The following ASS1 variants were observed in gnomAD, a reference collection of about 807,000 sequenced individuals.
ASS1 encodes argininosuccinate synthase 1, also known as argininosuccinate synthase.
In ASS1, 58 loss-of-function variants were observed where a neutral mutation model predicts 60.5. The observed-to-expected ratio is 0.96, with a 90% CI of 0.78 to 1.19. The LOEUF is 1.19. Ranked by LOEUF, ASS1 falls within the 50% of genes most tolerant of loss-of-function variation. The pLI is 0.00. For synonymous variants in ASS1, 200 were observed against 206.9 expected, an observed-to-expected ratio of 0.97 and a Z score of 0.29; for missense variants, 454 against 547.3, an observed-to-expected ratio of 0.83 and a Z score of 1.70.
chr9:130,456,472 C>A (rs1257824411), intron 3 of ASS1, among the ~76,000 whole-genome samples: 2 of 152,016 alleles, frequency 1.3e-5, no homozygotes, highest in East Asian at 1.9e-4. Context: ...GTAAAAAAAA[C>A]CAACCAACCA....
At chr9:130,451,824 T>C (rs1267590637) in intron 1 of ASS1, 1 of 463,972 alleles carries the variant, frequency 2.2e-6, no homozygotes, top group East Asian at 6.7e-5. Context: ...ATGGGGGATG[T>C]GTCAGCTGCC....
At chr9:130,481,735 G>C (rs546411500) in intron 11 of ASS1, among the ~76,000 whole-genome samples, 2 of 152,214 alleles carry the variant, frequency 1.3e-5, no homozygotes, top group African/African-American at 4.8e-5. Context: ...AGCATGGACC[G>C]GGGCGGGGAC....
At chr9:130,496,620 A>T (rs1846609321) in intron 13 of ASS1, among the ~76,000 whole-genome samples, 1 of 150,334 alleles carries the variant, frequency 6.7e-6, no homozygotes, top group Non-Finnish European at 1.5e-5. Context: ...AAAAAAAAGG[A>T]AACACAACTG....
rs192339952 is a variant in ASS1 at position 130,463,050 on chromosome 9, A to T, written c.364-1061A>T. Among the ~76,000 whole-genome samples, 4 of 152,378 alleles carry T rather than the reference A, an allele frequency of 2.6e-5. No individual in the cohort carries two copies. The East Asian group carries it at 7.7e-4, about 29-fold the overall frequency. On this transcript the variant is annotated intron_variant, in intron 4 of 14. Coordinates refer to ENST00000352480, the MANE Select transcript of ASS1 (RefSeq NM_054012.4). Reference sequence around the variant, plus strand: ...ATGGAGGGTGAGTGAGGCCAGCCCAAGGCCTGTGCCGCACACACAGCTCCC... The same window carrying T: ...ATGGAGGGTGAGTGAGGCCAGCCCATGGCCTGTGCCGCACACACAGCTCCC...
In ASS1 at chr9:130,494,774, A is replaced by G; in HGVS notation, c.971-93A>G. 1 of 1,530,142 alleles carries G rather than the reference A, an allele frequency of 6.5e-7. No individual in the cohort carries two copies. Among genetic ancestry groups the G allele is most frequent in the Non-Finnish European group, 9.0e-7 (1 of 1,108,566 alleles). 94.8% of individuals were successfully genotyped at this position (1,530,142 alleles called of 1,614,324 possible). The stretch of plus-strand genomic sequence containing the variant: ...GCAGTCATGGTCTGCATGGCGGGGT[A>G]AACCATGGGGCACCCTTCCTGTGCC... On this transcript the variant is annotated intron_variant, in intron 12 of 14. Coordinates refer to ENST00000352480, the MANE Select transcript of ASS1 (RefSeq NM_054012.4). This position sits in a 1 kb window ranked among gnomAD's most constrained non-coding sequence, Gnocchi z 4.3.
chr9:130,500,559 C>T lies in ASS1; in HGVS notation c.1194-417C>T, dbSNP rs140545837. 2.6e-5 allele frequency among the ~76,000 whole-genome samples: 4 copies of T among 152,222 alleles called. No homozygotes were observed. In the East Asian group the frequency reaches 5.8e-4, roughly 22 times the overall value. On this transcript the variant is annotated intron_variant, in intron 14 of 14. Transcript: ENST00000352480. ...CTTGTCCCTGGAGGCACCTCATGCC[C>T]CGAGAGATGTTGAAGCCCGCCCATC...
Position 130,476,919 on chromosome 9 carries a change from G to T in ASS1, c.646G>T (p.Ala216Ser), listed in dbSNP as rs1156471881. 1.2e-6 allele frequency: 2 copies of T among 1,614,074 alleles called. No individual in the cohort carries two copies. The highest frequency in any genetic ancestry group is 1.7e-6 in the Non-Finnish European group (2 of 1,180,008). ...CACGAAGACCCAGGACCCAGCCAAA[G>T]CCCCCAACACCCCTGACATTCTCGA... ...LYTKTQDPAK[A>S]PNTPDILEIE... Residue 216 changes from alanine to serine, a missense_variant, in exon 9 of 15, where the codon GCC (alanine) becomes TCC (serine). Ala to Ser is a moderately conservative substitution (Grantham distance 99). Transcript: ENST00000352480. The surrounding 1 kb of genome is among the most constrained non-coding windows in gnomAD (Gnocchi z 4.9).
chr9:130,494,979 C>T lies in ASS1; in HGVS notation c.1083C>T (p.Leu361=), dbSNP rs78564724. ...TCCTCAAGGGCCAGGTGTACATCCT[C>T]GGCCGGGAGTCCCCACTGTCTCTCT... ...VSVLKGQVYI[L]GRESPLSLYN... is the part of the protein sequence containing the mutation. The change falls in exon 13 of 15, where the codon CTC becomes CTT. Residue 361 remains leucine (L), a synonymous_variant. Coordinates refer to ENST00000352480, the MANE Select transcript of ASS1 (RefSeq NM_054012.4). This position sits in a 1 kb window ranked among gnomAD's most constrained non-coding sequence, Gnocchi z 4.3. 169 of 1,613,428 alleles carry T rather than the reference C, an allele frequency of 1.0e-4. No individual in the cohort carries two copies. In the East Asian group the frequency reaches 3.6e-3, roughly 35 times the overall value.
chr9:130,453,141 C>T (rs959063984), intron 2 of ASS1, among the ~76,000 whole-genome samples: 14 of 152,194 alleles, frequency 9.2e-5, no homozygotes, highest in East Asian at 5.8e-4. Flanking sequence ...CCCTCATAGC[C>T]CACCTTTCCC....
intron 11 of ASS1, among the ~76,000 whole-genome samples, chr9:130,481,739 C>T (rs1336350400): frequency 1.3e-5 from 2 of 152,160 alleles, no homozygotes; most frequent in Non-Finnish European, 2.9e-5. Flanking sequence ...TGGACCGGGG[C>T]GGGGACGGGC....
chr9:130,445,588 G>T (rs1294436765), intron 1 of ASS1, among the ~76,000 whole-genome samples: 1 of 152,220 alleles, frequency 6.6e-6, no homozygotes, highest in African/African-American at 2.4e-5. Flanking sequence ...TCCCCGGTGG[G>T]GCTGGCGGCC....
upstream of ASS1, among the ~76,000 whole-genome samples, chr9:130,444,742 G>A (rs1267182035): frequency 1.3e-5 from 2 of 151,868 alleles, no homozygotes; most frequent in Non-Finnish European, 2.9e-5. The surrounding 1 kb of genome is among the most constrained non-coding windows in gnomAD (Gnocchi z 4.7). Context: ...CCGGCGCCGG[G>A]CCCAGGCCCG....
At chr9:130,492,935 T>C (rs1846483875) in intron 12 of ASS1, among the ~76,000 whole-genome samples, 1 of 152,178 alleles carries the variant, frequency 6.6e-6, no homozygotes, top group African/African-American at 2.4e-5. Context: ...AAGAACCCTG[T>C]GGGGCAGAGG....
rs976355697 is a variant in ASS1, at chr9:130,501,188, G to A, written c.*167G>A. ...CCTGGTCCCCCTGAAGCCTGCAAAC[G>A]TTGTCATCGAAGGGAAGGGTGGGGG... On this transcript the variant is annotated 3_prime_UTR_variant, in exon 15 of 15. Coordinates refer to ENST00000352480, the MANE Select transcript of ASS1 (RefSeq NM_054012.4). The A allele has an allele frequency of 2.6e-5, 19 of 727,632 alleles. No homozygotes were observed. The highest frequency in any genetic ancestry group is 7.9e-5 in the South Asian group (5 of 63,526). 45.1% of individuals were successfully genotyped at this position (727,632 alleles called of 1,614,324 possible).
Position 130,489,541 on chromosome 9 carries a change from G to A in ASS1, c.970+77G>A. 2 of 1,602,412 alleles carry A rather than the reference G, an allele frequency of 1.2e-6. No individual in the cohort carries two copies. Among genetic ancestry groups the A allele is most frequent in the East Asian group, 2.2e-5 (1 of 44,794 alleles). On this transcript the variant is annotated intron_variant, in intron 12 of 14. Transcript: ENST00000352480. The surrounding 1 kb of genome is among the most constrained non-coding windows in gnomAD (Gnocchi z 4.1). ...AAGTACTATCAGGCTCTCGGGCCTG[G>A]CCCTCCCCTCCGTATCAGCACCTTC...
chr9:130,489,425 C>G lies in ASS1; in HGVS notation c.931C>G (p.Gln311Glu), dbSNP rs1301613270. Residue 311 changes from glutamine (Q) to glutamate (E), a missense_variant, in exon 12 of 15, where the codon CAA (glutamine) becomes GAA (glutamate). Gln to Glu is a conservative substitution (Grantham distance 29). Coordinates refer to ENST00000352480, the MANE Select transcript of ASS1 (RefSeq NM_054012.4). The surrounding 1 kb of genome is among the most constrained non-coding windows in gnomAD (Gnocchi z 4.1). ...TMDREVRKIK[Q>E]GLGLKFAELV... The stretch of plus-strand genomic sequence containing the variant: ...GGACCGGGAAGTGCGCAAAATCAAA[C>G]AAGGCCTGGGCTTGAAATTTGCTGA... The G allele has an allele frequency of 6.2e-7, 1 of 1,614,116 alleles. No homozygotes were observed. Among genetic ancestry groups the G allele is most frequent in the South Asian group, 1.1e-5 (1 of 91,078 alleles).
intron 11 of ASS1, among the ~76,000 whole-genome samples, chr9:130,481,093 G>C (rs1291693680): frequency 3.3e-5 from 5 of 152,242 alleles, no homozygotes; most frequent in Admixed American, 3.3e-4. Context: ...CAGGGCAGTT[G>C]GTCCCCAAGC....
chr9:130,465,053 TA>T (rs55992830), intron 5 of ASS1, among the ~76,000 whole-genome samples: 29,217 of 109,344 alleles, frequency 0.27, 3,339 homozygotes, highest in Middle Eastern at 0.45. Context: ...TATATATATA[TA>T]TATTTTTTTT....
intron 1 of ASS1, among the ~76,000 whole-genome samples, chr9:130,448,921 G>A (rs1481697511): frequency 6.6e-6 from 1 of 152,216 alleles, no homozygotes; most frequent in African/African-American, 2.4e-5. Flanking sequence ...TTTTTGCGGT[G>A]AGGAGCTGAC....
Sources: allele counts gnomAD v4.1 joint callset (sites outside exome capture counted in the v4.1 genomes callset), GRCh38; gene constraint gnomAD v4.1.1; non-coding constraint Gnocchi (gnomAD v3.1); transcripts MANE v1.5; gene names NCBI Gene and HGNC (gene_info 2026-07-23, HGNC 2026-07-21).